Variants in ST7 observed in about 807,000 individuals in gnomAD.
ST7 encodes suppressor of tumorigenicity 7 protein.
ST7 carries 28 observed loss-of-function variants against 78.7 expected under a neutral mutation model. That is an observed-to-expected ratio of 0.36 (90% confidence interval 0.26 to 0.49). The LOEUF (loss-of-function observed/expected upper bound fraction) is 0.49. Ranked by LOEUF, ST7 falls within the 20% of genes least tolerant of loss-of-function variation. The pLI, the probability that ST7 is intolerant of heterozygous loss-of-function variation, is 0.99. For missense variants in ST7, 418 were observed against 696.0 expected (o/e 0.60, Z 4.49); for synonymous variants, 247 against 249.6 (o/e 0.99, Z 0.10).
chr7:117,004,650 C>A (rs1795083525), intron 1 of ST7, among the ~76,000 whole-genome samples: 1 of 151,974 alleles, frequency 6.6e-6, no homozygotes, highest in African/African-American at 2.4e-5. Flanking sequence ...GACAGAGCAA[C>A]ACCCTGTCTC....
At chr7:117,226,507 TA>T (rs2116225807) in intron 15 of ST7, among the ~76,000 whole-genome samples, 1 of 152,340 alleles carries the variant, frequency 6.6e-6, no homozygotes, top group African/African-American at 2.4e-5. Context: ...TCTCCTTCTA[TA>T]TTGGTTGGGT....
At chr7:117,174,278 A>G (rs1027747734) in intron 10 of ST7, among the ~76,000 whole-genome samples, 7 of 152,196 alleles carry the variant, frequency 4.6e-5, no homozygotes, top group African/African-American at 7.2e-5. Flanking sequence ...TCCTGGTTCT[A>G]TAATGTTCTT....
At chr7:117,102,405 G>T (rs1207482830) in intron 2 of ST7, among the ~76,000 whole-genome samples, 1 of 152,150 alleles carries the variant, frequency 6.6e-6, no homozygotes, top group Non-Finnish European at 1.5e-5. Context: ...GAATGGAGAA[G>T]AGAAAGGCTT....
At chr7:117,083,219 C>G (rs1799913432) in intron 1 of ST7, among the ~76,000 whole-genome samples, 1 of 151,874 alleles carries the variant, frequency 6.6e-6, no homozygotes. Context: ...ACAACCACAC[C>G]TGGCTAATTT....
intron 1 of ST7, among the ~76,000 whole-genome samples, chr7:117,036,410 A>G (rs1796900214): frequency 6.6e-6 from 1 of 152,216 alleles, no homozygotes; most frequent in Non-Finnish European, 1.5e-5. Context: ...ATTTATCATG[A>G]TCAGTGGAAC....
intron 1 of ST7, chr7:116,953,911 A>G (rs960658904): frequency 6.5e-6 from 1 of 153,272 alleles, no homozygotes; most frequent in African/African-American, 2.4e-5. Context: ...CCCGCGGAGG[A>G]AGAGCTGCGC....
chr7:116,967,438 T>A, intron 1 of ST7: 1 of 470,998 alleles, frequency 2.1e-6, no homozygotes, highest in Non-Finnish European at 4.4e-6. Context: ...GTGAATTTGG[T>A]CAGGCAGCTT....
intron 6 of ST7, 44 bp from the exon 7 acceptor site, chr7:117,134,080 C>T (rs768309962): frequency 1.2e-6 from 2 of 1,607,064 alleles, no homozygotes; most frequent in African/African-American, 1.3e-5. Context: ...CTGAATGTTC[C>T]TATCAATTTT....
intron 1 of ST7, among the ~76,000 whole-genome samples, chr7:117,095,426 T>C (rs964033594): frequency 9.9e-5 from 15 of 152,208 alleles, no homozygotes; most frequent in African/African-American, 3.4e-4. Flanking sequence ...TCAGTCCATG[T>C]ACCTACCCTG....
In ST7 at chr7:117,052,564, A is replaced by G. The variant is rs567958630; in HGVS notation, c.152-47198A>G. Among the ~76,000 whole-genome samples the G allele has an allele frequency of 2.6e-5, 4 of 152,218 alleles. No individual in the cohort carries two copies. In the South Asian group the frequency reaches 8.3e-4, roughly 31 times the overall value. On this transcript the variant is annotated intron_variant, in intron 1 of 15. Coordinates refer to ENST00000323984, the MANE Select transcript of ST7 (RefSeq NM_001369598.1). ...GAGAATTTGTACACAATCACTTACAATCCCAGTGCCAAGAAGTAACATTCT... is the reference window on the plus strand; with the variant it reads ...GAGAATTTGTACACAATCACTTACAGTCCCAGTGCCAAGAAGTAACATTCT...
intron 1 of ST7, among the ~76,000 whole-genome samples, chr7:117,085,164 A>C (rs1800045472): frequency 1.3e-5 from 2 of 152,248 alleles, no homozygotes; most frequent in African/African-American, 2.4e-5. Flanking sequence ...TGTGTTTCAT[A>C]ATACACTGAG....
At chr7:116,994,153 ACTC>A (rs1794547601) in intron 1 of ST7, among the ~76,000 whole-genome samples, 1 of 151,450 alleles carries the variant, frequency 6.6e-6, no homozygotes, top group Non-Finnish European at 1.5e-5. Context: ...CATTCCACCA[ACTC>A]CTCCTTCCAC....
At chr7:117,014,111 T>C (rs1252879666) in intron 1 of ST7, among the ~76,000 whole-genome samples, 1 of 152,170 alleles carries the variant, frequency 6.6e-6, no homozygotes, top group Non-Finnish European at 1.5e-5. Context: ...GGTGGTAATT[T>C]GGTAGTGGTG....
chr7:117,025,768 C>T (rs975494131), intron 1 of ST7, among the ~76,000 whole-genome samples: 9 of 152,064 alleles, frequency 5.9e-5, no homozygotes, highest in Non-Finnish European at 1.0e-4. Context: ...TTTCTGATAA[C>T]ACACATTCTG....
At chr7:117,183,799 A>T (rs1298338615) in intron 10 of ST7, among the ~76,000 whole-genome samples, 2 of 152,244 alleles carry the variant, frequency 1.3e-5, no homozygotes, top group African/African-American at 4.8e-5. Flanking sequence ...CTTACACAAA[A>T]ATGATCACAG....
chr7:117,154,699 G>A (rs1182516079), intron 9 of ST7, among the ~76,000 whole-genome samples: 1 of 152,218 alleles, frequency 6.6e-6, no homozygotes, highest in Non-Finnish European at 1.5e-5. Flanking sequence ...ATAGAGGTCA[G>A]AGATCAATAT....
At chr7:117,062,620 T>A (rs1798417541) in intron 1 of ST7, among the ~76,000 whole-genome samples, 1 of 152,230 alleles carries the variant, frequency 6.6e-6, no homozygotes, top group African/African-American at 2.4e-5. Context: ...TTATATTTAA[T>A]ACATGTTAAA....
rs569251916 is a variant in ST7, at chr7:117,047,696, C to T, written c.152-52066C>T. 3.3e-5 allele frequency among the ~76,000 whole-genome samples: 5 copies of T among 152,196 alleles called. No homozygotes were observed. The East Asian group carries it at 9.6e-4, about 29-fold the overall frequency. On this transcript the variant is annotated intron_variant, in intron 1 of 15. Transcript: ENST00000323984. ...GAGGCTAGGTTAGCTAGCTTAATAC[C>T]AGGTGTTTGGAGGCTGGGGATGTTT...
At chr7:117,029,833 T>C (rs1796385702) in intron 1 of ST7, among the ~76,000 whole-genome samples, 1 of 152,026 alleles carries the variant, frequency 6.6e-6, no homozygotes, top group Non-Finnish European at 1.5e-5. Context: ...CTCCATGGAA[T>C]TGGCAACTTT....
Sources: gnomAD v4.1 joint callset for allele counts (sites outside exome capture counted in the v4.1 genomes callset) on GRCh38, gnomAD v4.1.1 for gene constraint, MANE v1.5 for transcripts, NCBI Gene and HGNC (gene_info 2026-07-23, HGNC 2026-07-21) for gene names.